The following NRXN3 variants were observed in gnomAD, a reference collection of about 807,000 sequenced individuals.
NRXN3 encodes neurexin 3, also known as neurexin III.
NRXN3 carries 32 observed loss-of-function variants against 137.6 expected under a neutral mutation model. The ratio of observed to expected loss-of-function variants is 0.23; its 90% CI spans 0.18 to 0.31. The LOEUF (loss-of-function observed/expected upper bound fraction) is 0.31, where lower values mean the gene tolerates loss of function less well. Among genes scored for constraint, NRXN3 ranks in the 10% least tolerant of loss-of-function variants. The pLI is 1.00. For missense variants in NRXN3, 1,574 were observed against 2,062.5 expected (o/e 0.76, Z 4.59); for synonymous variants, 798 against 784.5 (o/e 1.02, Z -0.29).
At chr14:78,530,219 G>C in intron 4 of NRXN3, among the ~76,000 whole-genome samples, 1 of 152,128 alleles carries the variant, frequency 6.6e-6, no homozygotes, top group East Asian at 1.9e-4. Flanking sequence ...TTTTTAAACA[G>C]GCCCAGAGTC....
intron 10 of NRXN3, among the ~76,000 whole-genome samples, chr14:78,855,188 G>T (rs950861211): frequency 5.9e-5 from 9 of 151,666 alleles, no homozygotes; most frequent in African/African-American, 1.9e-4. Context: ...TACAAAAAAG[G>T]TATATATGAC....
At chr14:78,234,571 A>G (rs1296840423) in intron 1 of NRXN3, among the ~76,000 whole-genome samples, 5 of 152,200 alleles carry the variant, frequency 3.3e-5, no homozygotes, top group Admixed American at 6.5e-5. Flanking sequence ...TCCCGCCTGC[A>G]TGAGAGGGGC....
intron 4 of NRXN3, among the ~76,000 whole-genome samples, chr14:78,528,110 T>A (rs192369566): frequency 3.9e-5 from 6 of 152,328 alleles, no homozygotes; most frequent in Admixed American, 3.3e-4. Flanking sequence ...CAGTTACAGA[T>A]TATCTTTTTC....
chr14:79,210,044 T>C (rs2067413857), intron 15 of NRXN3, among the ~76,000 whole-genome samples: 1 of 152,210 alleles, frequency 6.6e-6, no homozygotes, highest in South Asian at 2.1e-4. Flanking sequence ...TGTGAGTTGC[T>C]ATTTAATGGT....
intron 10 of NRXN3, among the ~76,000 whole-genome samples, chr14:78,931,049 A>G (rs1036550260): frequency 6.6e-5 from 10 of 152,226 alleles, no homozygotes; most frequent in Admixed American, 1.3e-4. Flanking sequence ...CCTAAGCAAA[A>G]TGAGTGGTAT....
chr14:79,470,686 T>A (rs1421343922), intron 16 of NRXN3, among the ~76,000 whole-genome samples: 1 of 152,184 alleles, frequency 6.6e-6, no homozygotes, highest in Admixed American at 6.5e-5. Flanking sequence ...ACCGATGTGC[T>A]TCAACAAGGG....
intron 15 of NRXN3, among the ~76,000 whole-genome samples, chr14:79,084,085 T>C (rs757140275): frequency 4.1e-5 from 6 of 146,938 alleles, no homozygotes; most frequent in Middle Eastern, 6.9e-3. Flanking sequence ...AATTTATTTA[T>C]TTTTTTTTTT....
intron 6 of NRXN3, among the ~76,000 whole-genome samples, chr14:78,676,463 C>T (rs907052494): frequency 1.3e-5 from 2 of 152,036 alleles, no homozygotes; most frequent in Admixed American, 6.6e-5. Context: ...CAGAGCAATG[C>T]CCTAATGCTT....
intron 19 of NRXN3, among the ~76,000 whole-genome samples, chr14:79,749,742 C>T (rs994764736): frequency 4.8e-4 from 72 of 151,434 alleles, no homozygotes; most frequent in Non-Finnish European, 7.1e-4. Context: ...TCTCCCTGTT[C>T]CTTGATTTCC....
rs141116828 is a variant in NRXN3, at chr14:79,158,666, A to C, written c.3262+170525A>C. Among the ~76,000 whole-genome samples, 750 of 151,918 alleles carry C rather than the reference A, an allele frequency of 4.9e-3. 9 individuals carry two copies. The highest frequency in any genetic ancestry group is 0.017 in the African/African-American group (703 of 41,510). ...AGGGGATTTCAGAAAGTTGTAGATAAATTGAACTAAAAGATAAAAATAGAA... is the reference window on the plus strand; with the variant it reads ...AGGGGATTTCAGAAAGTTGTAGATACATTGAACTAAAAGATAAAAATAGAA... On this transcript the variant is annotated intron_variant, in intron 15 of 20. Transcript: ENST00000335750.
chr14:79,035,252 TGTACAGTGGTTAA>T, intron 15 of NRXN3, among the ~76,000 whole-genome samples: 1 of 152,230 alleles, frequency 6.6e-6, no homozygotes, highest in Non-Finnish European at 1.5e-5. Context: ...GTTTTATTCA[TGTACAGTGGTTAA>T]GAATGAAGAT....
intron 15 of NRXN3, among the ~76,000 whole-genome samples, chr14:79,323,941 T>C (rs2090471467): frequency 1.3e-5 from 2 of 152,244 alleles, no homozygotes; most frequent in African/African-American, 2.4e-5. Context: ...GGTGTTTTTT[T>C]CCCCAGTATG....
chr14:78,457,186 A>G (rs948251392), intron 4 of NRXN3, among the ~76,000 whole-genome samples: 2 of 151,878 alleles, frequency 1.3e-5, no homozygotes, highest in Non-Finnish European at 2.9e-5. Flanking sequence ...TTACAAGTGC[A>G]CACCACCACA....
intron 4 of NRXN3, among the ~76,000 whole-genome samples, chr14:78,633,251 C>CAAAAAAAAAAAAAAAAAAA (rs779442429): frequency 3.1e-4 from 21 of 68,048 alleles, no homozygotes; most frequent in African/African-American, 1.4e-3. Flanking sequence ...GAGACTCTGT[C>CAAAAAAAAAAAAAAAAAAA]AAAAAAAAAA....
intron 5 of NRXN3, 74 bp from the exon 6 acceptor site, chr14:78,651,091 G>C (rs2097737525): frequency 2.2e-6 from 3 of 1,339,238 alleles, no homozygotes; most frequent in Non-Finnish European, 3.1e-6. Context: ...CCACAAGTAG[G>C]GGAAGCCACT....
chr14:79,681,770 A>G (rs2098671735), intron 17 of NRXN3, among the ~76,000 whole-genome samples: 1 of 151,046 alleles, frequency 6.6e-6, no homozygotes, highest in African/African-American at 2.4e-5. Flanking sequence ...AATTTAACAC[A>G]CTGGAAAAGA....
intron 19 of NRXN3, among the ~76,000 whole-genome samples, chr14:79,796,987 TA>T (rs796709501): frequency 1.7e-4 from 26 of 152,302 alleles, no homozygotes; most frequent in African/African-American, 6.3e-4. Context: ...CAGTAGTCTA[TA>T]AAGTCCATGA....
Position 78,783,378 on chromosome 14 carries a change from A to G in NRXN3, c.2045-20242A>G, listed in dbSNP as rs1595824731. On this transcript the variant is annotated intron_variant, in intron 8 of 20. Transcript: ENST00000335750. The stretch of plus-strand genomic sequence containing the variant: ...CTAGTTCTCTTTAAAAAGACATGAA[A>G]GACAACAAAAGACTGAGGAACTATT... Among the ~76,000 whole-genome samples the G allele has an allele frequency of 7.9e-5, 12 of 152,352 alleles. No homozygotes were observed. The South Asian group carries it at 2.3e-3, about 29-fold the overall frequency.
chr14:78,323,458 G>A (rs1444042045), intron 4 of NRXN3, among the ~76,000 whole-genome samples: 1 of 152,044 alleles, frequency 6.6e-6, no homozygotes, highest in Non-Finnish European at 1.5e-5. Flanking sequence ...TTTAACCCCT[G>A]CCGTGCCTGC....
Sources: allele counts gnomAD v4.1 joint callset (sites outside exome capture counted in the v4.1 genomes callset), GRCh38; gene constraint gnomAD v4.1.1; transcripts MANE v1.5; gene names NCBI Gene and HGNC (gene_info 2026-07-23, HGNC 2026-07-21).